The following TYW1 variants were observed in gnomAD, a reference collection of about 807,000 sequenced individuals.
The protein encoded by TYW1 is S-adenosyl-L-methionine-dependent tRNA 4-demethylwyosine synthase TYW1.
In TYW1, 46 loss-of-function variants were observed where a neutral mutation model predicts 96.2. That is an observed-to-expected ratio of 0.48 (90% CI 0.38 to 0.61). The LOEUF is 0.61. Ranked by LOEUF, TYW1 falls within the 20% of genes least tolerant of loss-of-function variation. The pLI, the probability that TYW1 is intolerant of heterozygous loss-of-function variation, is 0.00. For synonymous variants in TYW1, 274 were observed against 323.0 expected, an observed-to-expected ratio of 0.85 and a Z score of 1.63; for missense variants, 684 against 909.6, an observed-to-expected ratio of 0.75 and a Z score of 3.19.
chr7:67,077,010 G>T (rs1257495805), intron 10 of TYW1, among the ~76,000 whole-genome samples: 1 of 152,050 alleles, frequency 6.6e-6, no homozygotes, highest in Non-Finnish European at 1.5e-5. Context: ...CTGACCTCAA[G>T]TGATCCACTG....
At chr7:67,178,921 A>C (rs992225777) in intron 13 of TYW1, among the ~76,000 whole-genome samples, 9 of 136,746 alleles carry the variant, frequency 6.6e-5, no homozygotes, top group African/African-American at 2.7e-4. Flanking sequence ...AAAGTGAGAG[A>C]GAGCCTATTC....
At chr7:67,033,997 G>A (rs1584486200) in intron 7 of TYW1, among the ~76,000 whole-genome samples, 3 of 151,632 alleles carry the variant, frequency 2.0e-5, no homozygotes, top group East Asian at 3.9e-4. Context: ...CTGGCCAGGG[G>A]AGCCATTTTT....
At chr7:67,007,489 C>T (rs554644304) in intron 3 of TYW1, among the ~76,000 whole-genome samples, 24 of 152,126 alleles carry the variant, frequency 1.6e-4, no homozygotes, top group Non-Finnish European at 3.1e-4. Context: ...TCCTGAGGGA[C>T]CCACCCCCAT....
At chr7:67,130,862 C>CT (rs539452423) in intron 13 of TYW1, among the ~76,000 whole-genome samples, 96 of 152,274 alleles carry the variant, frequency 6.3e-4, no homozygotes, top group African/African-American at 2.2e-3. Flanking sequence ...CTTGTGCTTT[C>CT]TTTTACCACC....
At chr7:67,180,489 A>C (rs2116294382) in intron 13 of TYW1, among the ~76,000 whole-genome samples, 1 of 148,744 alleles carries the variant, frequency 6.7e-6, no homozygotes, top group South Asian at 2.1e-4. Context: ...CCAAGAAGCC[A>C]GTCATATTAT....
chr7:67,047,641 C>CTT lies in TYW1; in HGVS notation c.985-2295_985-2294dup, dbSNP rs201219287. Among the ~76,000 whole-genome samples, 371 of 140,790 alleles carry CTT rather than the reference C, an allele frequency of 2.6e-3. 2 individuals carry two copies. Among genetic ancestry groups the CTT allele is most frequent in the African/African-American group, 4.4e-3 (170 of 38,364 alleles). The allele number at this position is 140,790 out of a possible 152,430, so 92.4% of individuals were successfully genotyped here. On this transcript the variant is annotated intron_variant, in intron 7 of 15. Transcript: ENST00000359626. The stretch of plus-strand genomic sequence containing the variant: ...TTAGGACAGATAGGACTTAATGCGA[C>CTT]TTTTTTTTTTTTTTCTCATTTGGTA...
intron 13 of TYW1, among the ~76,000 whole-genome samples, chr7:67,167,212 A>G (rs10247133): frequency 0.28 from 42,466 of 151,926 alleles, 6,477 homozygotes; most frequent in African/African-American, 0.4. Context: ...GCTCACGCCT[A>G]TAATCCCAGC....
chr7:67,152,975 C>T (rs1798851385), intron 13 of TYW1, among the ~76,000 whole-genome samples: 1 of 152,218 alleles, frequency 6.6e-6, no homozygotes, highest in Non-Finnish European at 1.5e-5. Flanking sequence ...GTTCTCAAGC[C>T]TGCCTTCCTC....
rs546873518 is a variant in TYW1 at position 67,104,904 on chromosome 7, C to G, written c.1562+6186C>G. On this transcript the variant is annotated intron_variant, in intron 12 of 15. Transcript: ENST00000359626. Reference sequence around the variant, plus strand: ...CAACCACCCACCTCAAACTAACTAACAATAATTTATTTAGCTCATAATTCT... The same window carrying G: ...CAACCACCCACCTCAAACTAACTAAGAATAATTTATTTAGCTCATAATTCT... Among the ~76,000 whole-genome samples, 9 of 152,346 alleles carry G rather than the reference C, an allele frequency of 5.9e-5. No homozygotes were observed. The East Asian group carries it at 1.7e-3, about 29-fold the overall frequency.
At chr7:67,160,047 C>T (rs1799113050) in intron 13 of TYW1, among the ~76,000 whole-genome samples, 1 of 152,152 alleles carries the variant, frequency 6.6e-6, no homozygotes, top group African/African-American at 2.4e-5. Flanking sequence ...CGTGATCAGC[C>T]CGCCTCAGCC....
At chr7:67,090,690 G>A (rs369531015) in intron 11 of TYW1, among the ~76,000 whole-genome samples, 29 of 152,302 alleles carry the variant, frequency 1.9e-4, no homozygotes, top group South Asian at 1.5e-3. Flanking sequence ...GTGCATGTGC[G>A]TGTATGTGTG....
intron 15 of TYW1, among the ~76,000 whole-genome samples, chr7:67,213,485 ACTCTTCATT>A: frequency 6.6e-6 from 1 of 152,014 alleles, no homozygotes. Flanking sequence ...CTGTGGTTTG[ACTCTTCATT>A]CTCTTAATTA....
chr7:67,070,193 A>G (rs1755725592), intron 10 of TYW1, among the ~76,000 whole-genome samples: 1 of 152,184 alleles, frequency 6.6e-6, no homozygotes, highest in African/African-American at 2.4e-5. Flanking sequence ...CAGTTTGATT[A>G]TAACATATCT....
chr7:67,195,274 C>A lies in TYW1; in HGVS notation c.1914C>A (p.Ile638=), dbSNP rs771298061. 25 of 1,609,652 alleles carry A rather than the reference C, an allele frequency of 1.6e-5. No individual in the cohort carries two copies. The Middle Eastern group carries it at 4.9e-4, about 32-fold the overall frequency. ...TTGTCCACGAGTTGGTGGATCTGAT[C>A]CCCGAATATGAAATTGCATGTGAAC... The part of the protein sequence containing the change: ...VQFVHELVDL[I]PEYEIACEHE... Residue 638 remains isoleucine, a synonymous_variant, in exon 15 of 16, where the codon ATC becomes ATA. Transcript: ENST00000359626.
intron 12 of TYW1, among the ~76,000 whole-genome samples, chr7:67,106,211 T>A (rs1390319551): frequency 1.3e-5 from 2 of 152,248 alleles, no homozygotes; most frequent in Non-Finnish European, 2.9e-5. Context: ...AGAATATTCA[T>A]GTATGTTTCA....
In TYW1 at chr7:67,006,948, C is replaced by CTTTTTTTTTTTTT. The variant is rs34475001; in HGVS notation, c.274-2618_274-2606dup. On this transcript the variant is annotated intron_variant, in intron 3 of 15. Transcript: ENST00000359626. The stretch of plus-strand genomic sequence containing the variant: ...CAAAACAGTAGGGAGAGATGTGAGG[C>CTTTTTTTTTTTTT]TTTTTTTTTTTTTTTTTTTTTTTTT... 7.1e-4 allele frequency among the ~76,000 whole-genome samples: 32 copies of CTTTTTTTTTTTTT among 45,142 alleles called. 6 individuals carry two copies. The highest frequency in any genetic ancestry group is 1.1e-3 in the Non-Finnish European group (30 of 27,180). 29.6% of individuals were successfully genotyped at this position (45,142 alleles called of 152,430 possible). A position where few individuals can be genotyped will look rare whatever the true frequency, so the allele number is the denominator to read the frequency against.
Position 67,018,097 on chromosome 7 carries a change from A to T in TYW1, c.815A>T (p.Glu272Val), listed in dbSNP as rs144533794. Residue 272 changes from glutamate to valine, a missense_variant, in exon 6 of 16, where the codon GAG becomes GTG. Transcript: ENST00000359626. ...ESHQHGSEEREEGSHEQDELH... is the reference protein window; with the variant it reads ...ESHQHGSEERVEGSHEQDELH... ...CACCAACATGGCTCAGAGGAGAGGG[A>T]GGAAGGATCTCATGAGCAGGATGAA... is the stretch of plus-strand genomic sequence containing the variant. The T allele has an allele frequency of 2.5e-6, 4 of 1,613,992 alleles. No individual in the cohort carries two copies. In the African/African-American group the frequency reaches 5.3e-5, roughly 22 times the overall value.
At chr7:67,002,086 T>C (rs150919943) in intron 3 of TYW1, among the ~76,000 whole-genome samples, 22,292 of 148,910 alleles carry the variant, frequency 0.15, 2,107 homozygotes, top group Admixed American at 0.26. Context: ...CTTGCTCTGT[T>C]ACCCAAGCTG....
At chr7:67,005,111 T>C (rs1793525127) in intron 3 of TYW1, among the ~76,000 whole-genome samples, 1 of 152,156 alleles carries the variant, frequency 6.6e-6, no homozygotes, top group African/African-American at 2.4e-5. Context: ...TTCTGGATTG[T>C]AGGGTTTCTG....
Sources: gnomAD v4.1 joint callset for allele counts (sites outside exome capture counted in the v4.1 genomes callset) on GRCh38, gnomAD v4.1.1 for gene constraint, MANE v1.5 for transcripts, NCBI Gene and HGNC (gene_info 2026-07-23, HGNC 2026-07-21) for gene names.